Variants in SHROOM3 observed in about 807,000 individuals in gnomAD.
SHROOM3 encodes shroom family member 3.
A neutral mutation model predicts 138.6 loss-of-function variants in SHROOM3; 47 were observed. The ratio of observed to expected loss-of-function variants is 0.34; its 90% CI spans 0.27 to 0.43. SHROOM3 has a LOEUF of 0.43. Among genes scored for constraint, SHROOM3 ranks in the 20% least tolerant of loss-of-function variants. The probability of loss-of-function intolerance (pLI) is 1.00; values close to 1 mark genes in which losing one functional copy is unlikely to be tolerated. For missense variants in SHROOM3, 2,491 were observed against 2,596.5 expected (o/e 0.96, Z 0.88); for synonymous variants, 1,062 against 1,063.3 (o/e 1.00, Z 0.02).
At chr4:76,540,836 T>C (rs926037626) in intron 1 of SHROOM3, among the ~76,000 whole-genome samples, 1 of 152,224 alleles carries the variant, frequency 6.6e-6, no homozygotes, top group Non-Finnish European at 1.5e-5. Context: ...TTTAGTATGT[T>C]AATAACTTTG....
intron 2 of SHROOM3, among the ~76,000 whole-genome samples, chr4:76,579,447 AAC>A (rs1430542682): frequency 5.3e-5 from 8 of 152,144 alleles, no homozygotes; most frequent in African/African-American, 1.2e-4. Flanking sequence ...CAGCCTGGGC[AAC>A]AGAGTGAGAC....
intron 7 of SHROOM3, among the ~76,000 whole-genome samples, chr4:76,755,884 G>A (rs1204131381): frequency 6.6e-6 from 1 of 152,194 alleles, no homozygotes; most frequent in African/African-American, 2.4e-5. Flanking sequence ...CCTAGAACAA[G>A]TAATCTCTCA....
intron 2 of SHROOM3, among the ~76,000 whole-genome samples, chr4:76,687,077 T>C (rs1719363754): frequency 6.6e-6 from 1 of 152,210 alleles, no homozygotes; most frequent in Admixed American, 6.5e-5. Flanking sequence ...TGATAACCTA[T>C]TTAAAAACGT....
chr4:76,642,788 A>G (rs1421950094), intron 2 of SHROOM3, among the ~76,000 whole-genome samples: 7 of 152,080 alleles, frequency 4.6e-5, no homozygotes, highest in Admixed American at 2.6e-4. Flanking sequence ...GTGTGTGACA[A>G]AATGCTGATC....
At chr4:76,476,200 C>T (rs1731481921) in intron 1 of SHROOM3, among the ~76,000 whole-genome samples, 1 of 152,120 alleles carries the variant, frequency 6.6e-6, no homozygotes, top group Admixed American at 6.5e-5. Context: ...CTGGAGGCAG[C>T]AGCAATTTTT....
At chr4:76,703,665 T>C (rs1195464825) in intron 2 of SHROOM3, among the ~76,000 whole-genome samples, 1 of 152,158 alleles carries the variant, frequency 6.6e-6, no homozygotes, top group African/African-American at 2.4e-5. Context: ...AGAAGGGGGA[T>C]GACAGGATAG....
chr4:76,582,906 G>C (rs1019679174), intron 2 of SHROOM3, among the ~76,000 whole-genome samples: 2 of 152,172 alleles, frequency 1.3e-5, no homozygotes, highest in Admixed American at 6.5e-5. Context: ...CCACAGCACT[G>C]CTTCCAGATT....
intron 1 of SHROOM3, among the ~76,000 whole-genome samples, chr4:76,502,436 G>A (rs547873698): frequency 6.6e-6 from 1 of 152,130 alleles, no homozygotes; most frequent in Non-Finnish European, 1.5e-5. Context: ...CATCTGAAGG[G>A]GGGTGGGGGC....
At chr4:76,499,080 C>T (rs1732034976) in intron 1 of SHROOM3, among the ~76,000 whole-genome samples, 1 of 152,176 alleles carries the variant, frequency 6.6e-6, no homozygotes, top group Non-Finnish European at 1.5e-5. Context: ...AAGAGAGCAT[C>T]CAATTCTCCC....
rs929402184 is a variant in SHROOM3, at chr4:76,779,141, C to G, written c.5955C>G (p.Phe1985Leu). 2 of 1,613,452 alleles carry G rather than the reference C, an allele frequency of 1.2e-6. No individual in the cohort carries two copies. The highest frequency in any genetic ancestry group is 1.7e-6 in the Non-Finnish European group (2 of 1,179,640). Residue 1985 changes from phenylalanine (F) to leucine (L), a missense_variant, in exon 11 of 11, where the codon TTC (phenylalanine) becomes TTG (leucine). Coordinates refer to ENST00000296043, the MANE Select transcript of SHROOM3 (RefSeq NM_020859.4). ...CCATTCCTGCTGGGGGCTGTACTTT[C>G]AGTGGTATTTTCCCAACATTAACCT... ...SEPIPAGGCT[F>L]SGIFPTLTSP...
intron 1 of SHROOM3, among the ~76,000 whole-genome samples, chr4:76,490,962 C>T (rs560632736): frequency 1.8e-4 from 28 of 152,230 alleles, no homozygotes; most frequent in African/African-American, 6.5e-4. Flanking sequence ...TGGAATAAGG[C>T]TTTGGAATAT....
At chr4:76,652,596 G>A (rs1735983356) in intron 2 of SHROOM3, among the ~76,000 whole-genome samples, 1 of 152,180 alleles carries the variant, frequency 6.6e-6, no homozygotes, top group African/African-American at 2.4e-5. Flanking sequence ...CCTTAACTGT[G>A]CTATGTCGAA....
intron 1 of SHROOM3, among the ~76,000 whole-genome samples, chr4:76,533,772 A>T (rs1005589090): frequency 2.0e-5 from 3 of 152,180 alleles, no homozygotes; most frequent in Non-Finnish European, 4.4e-5. Context: ...AATGCACTTA[A>T]TTTTTTAAAA....
At chr4:76,643,485 C>T (rs1254989119) in intron 2 of SHROOM3, among the ~76,000 whole-genome samples, 4 of 152,128 alleles carry the variant, frequency 2.6e-5, no homozygotes, top group Non-Finnish European at 5.9e-5. Flanking sequence ...ATGCCTGCTT[C>T]AGCAGGTTCA....
In SHROOM3 at chr4:76,754,527, T is replaced by TGCACCCCTGACCCCAATTG. The variant is rs1433258567; in HGVS notation, c.4053_4071dup (p.Leu1358AspfsTer53). On this transcript the variant is annotated frameshift_variant, in exon 7 of 11. Coordinates refer to ENST00000296043, the MANE Select transcript of SHROOM3 (RefSeq NM_020859.4). LOFTEE classifies it high-confidence loss of function. ...AAGGGCTGGTCACAGACACCAGGGC[T>TGCACCCCTGACCCCAATTG]GCACCCCTGACCCCAATTGGCACCC... 6.2e-7 allele frequency: 1 copy of TGCACCCCTGACCCCAATTG among 1,613,666 alleles called. No individual in the cohort carries two copies. The highest frequency in any genetic ancestry group is 1.7e-5 in the Admixed American group (1 of 60,010).
intron 2 of SHROOM3, among the ~76,000 whole-genome samples, chr4:76,658,584 C>G (rs969043475): frequency 3.3e-5 from 5 of 152,114 alleles, no homozygotes; most frequent in Admixed American, 2.6e-4. Flanking sequence ...AGAGCAGGAA[C>G]AGTGAACTAT....
chr4:76,774,040 T>C (rs554053261), intron 10 of SHROOM3, among the ~76,000 whole-genome samples: 1 of 152,256 alleles, frequency 6.6e-6, no homozygotes, highest in East Asian at 1.9e-4. Flanking sequence ...GGAGGGTTTA[T>C]GCTGTTGATG....
At chr4:76,522,238 A>G (rs1200340124) in intron 1 of SHROOM3, among the ~76,000 whole-genome samples, 1 of 148,462 alleles carries the variant, frequency 6.7e-6, no homozygotes, top group African/African-American at 2.4e-5. Context: ...ACTTTATTAT[A>G]TGCTATATAT....
chr4:76,503,354 G>T (rs967499088), intron 1 of SHROOM3, among the ~76,000 whole-genome samples: 1 of 151,996 alleles, frequency 6.6e-6, no homozygotes, highest in African/African-American at 2.4e-5. Context: ...TATTTCATTA[G>T]ATTTATTCCT....
Sources: allele counts gnomAD v4.1 joint callset (sites outside exome capture counted in the v4.1 genomes callset), GRCh38; gene constraint gnomAD v4.1.1; transcripts MANE v1.5; gene names NCBI Gene and HGNC (gene_info 2026-07-23, HGNC 2026-07-21).